The following NAA11 variants were observed in gnomAD, a reference collection of about 807,000 sequenced individuals.
NAA11 encodes N-alpha-acetyltransferase 11.
A neutral mutation model predicts 16.1 loss-of-function variants in NAA11; 15 were observed. The ratio of observed to expected loss-of-function variants is 0.93; its 90% CI spans 0.62 to 1.44. NAA11 has a LOEUF of 1.44. Ranked by LOEUF, NAA11 falls within the 40% of genes most tolerant of loss-of-function variation. The pLI is 0.00. For synonymous variants in NAA11, 122 were observed against 112.4 expected (o/e 1.09, Z -0.54); for missense variants, 298 against 291.3 (o/e 1.02, Z -0.17).
chr4:79,220,634 C>T, the NAA11 span, among the ~76,000 whole-genome samples: 77 of 152,020 alleles, frequency 5.1e-4, 1 homozygote, highest in African/African-American at 1.7e-3. Flanking sequence ...TTCTATAATA[C>T]GCATAAAATA....
the NAA11 span, among the ~76,000 whole-genome samples, chr4:79,209,875 A>G: frequency 1.3e-5 from 2 of 151,966 alleles, no homozygotes; most frequent in Non-Finnish European, 2.9e-5. Flanking sequence ...GCAAAACCTC[A>G]TCTCTACTGC....
At chr4:79,272,019 T>C (rs1722505875) in intron 2 of NAA11, among the ~76,000 whole-genome samples, 1 of 151,768 alleles carries the variant, frequency 6.6e-6, no homozygotes, top group African/African-American at 2.4e-5. Flanking sequence ...CACATATATA[T>C]ACACACACAT....
At chr4:79,194,300 G>T in the NAA11 span, among the ~76,000 whole-genome samples, 4 of 152,128 alleles carry the variant, frequency 2.6e-5, no homozygotes, top group African/African-American at 9.7e-5. Context: ...CTTTGCATGA[G>T]CATGGGATGT....
At chr4:79,254,674 GTTAAT>G (rs925683513) in intron 2 of NAA11, among the ~76,000 whole-genome samples, 21 of 143,782 alleles carry the variant, frequency 1.5e-4, no homozygotes, top group Admixed American at 2.8e-4. Flanking sequence ...TTTTCTTTTA[GTTAAT>G]TTAATTTATT....
intron 1 of NAA11, among the ~76,000 whole-genome samples, chr4:79,318,421 A>C (rs1560475092): frequency 1.3e-5 from 2 of 152,188 alleles, no homozygotes; most frequent in Non-Finnish European, 2.9e-5. Context: ...CCTTTAAAAA[A>C]ATTTATTATA....
intron 2 of NAA11, among the ~76,000 whole-genome samples, chr4:79,259,320 G>A (rs1484142): frequency 0.052 from 7,846 of 152,172 alleles, 710 homozygotes; most frequent in African/African-American, 0.18. Context: ...GCTTCTGGGC[G>A]TCACCACATT....
chr4:79,193,188 G>C, the NAA11 span, among the ~76,000 whole-genome samples: 1 of 152,160 alleles, frequency 6.6e-6, no homozygotes, highest in Non-Finnish European at 1.5e-5. Flanking sequence ...TGTTCACTCT[G>C]ATGGTAGTTT....
chr4:79,245,819 G>A (rs1721808351), intron 2 of NAA11, among the ~76,000 whole-genome samples: 1 of 150,730 alleles, frequency 6.6e-6, no homozygotes. Flanking sequence ...CCCTCTGCCC[G>A]GCCGCCACGT....
At chr4:79,167,887 T>G in the NAA11 span, among the ~76,000 whole-genome samples, 3 of 152,060 alleles carry the variant, frequency 2.0e-5, no homozygotes, top group African/African-American at 7.2e-5. Flanking sequence ...TTTATTTTAT[T>G]GTACTTTAAG....
the NAA11 span, among the ~76,000 whole-genome samples, chr4:79,203,641 A>G: frequency 4.6e-5 from 7 of 151,658 alleles, no homozygotes; most frequent in Non-Finnish European, 1.0e-4. Context: ...GAGGACACTA[A>G]CTATGGCACC....
chr4:79,324,865 A>G (rs917608493), intron 1 of NAA11, among the ~76,000 whole-genome samples: 1 of 152,192 alleles, frequency 6.6e-6, no homozygotes, highest in Non-Finnish European at 1.5e-5. Flanking sequence ...GAATTCCATA[A>G]AGAAAAAAAT....
rs533755575 is a variant in NAA11, at chr4:79,231,930, GAAATA to G, written c.*123-5665_*123-5661del. On this transcript the variant is annotated intron_variant and NMD_transcript_variant, in intron 2 of 2. Coordinates refer to the NAA11 transcript ENST00000511542. ...CATATATGTATATACACATATATAT[GAAATA>G]ATATATATGACATAATGAGATGTTT... Among the ~76,000 whole-genome samples the G allele has an allele frequency of 7.6e-3, 1,158 of 151,484 alleles. 16 individuals carry two copies. The highest frequency in any genetic ancestry group is 0.026 in the African/African-American group (1,078 of 41,364).
intron 1 of NAA11, among the ~76,000 whole-genome samples, chr4:79,311,451 T>C (rs1202101756): frequency 2.6e-5 from 4 of 152,240 alleles, no homozygotes; most frequent in East Asian, 1.9e-4. Context: ...CTTTCATACA[T>C]TGTCACTCCT....
At chr4:79,190,145 A>G in the NAA11 span, among the ~76,000 whole-genome samples, 1 of 152,194 alleles carries the variant, frequency 6.6e-6, no homozygotes, top group Non-Finnish European at 1.5e-5. Context: ...ATATTTTACA[A>G]TTTCGGGAAA....
intron 2 of NAA11, among the ~76,000 whole-genome samples, chr4:79,233,969 G>A (rs771155736): frequency 2.8e-4 from 42 of 152,022 alleles, no homozygotes; most frequent in Non-Finnish European, 4.1e-4. Context: ...TGGGGAATCT[G>A]TCATCTTGTC....
chr4:79,227,562 A>G (rs1229343044), intron 2 of NAA11: 4 of 152,006 alleles, frequency 2.6e-5, no homozygotes, highest in Non-Finnish European at 5.9e-5. Flanking sequence ...ACCAAGGAGA[A>G]GAGGATGTTG....
intron 2 of NAA11, among the ~76,000 whole-genome samples, chr4:79,261,696 A>T (rs936765317): frequency 6.6e-5 from 10 of 152,164 alleles, no homozygotes; most frequent in African/African-American, 2.4e-4. Context: ...GTTCTGTGCC[A>T]TTTAAAATAA....
chr4:79,314,877 C>T (rs1723881600), downstream of NAA11, among the ~76,000 whole-genome samples: 1 of 151,988 alleles, frequency 6.6e-6, no homozygotes, highest in South Asian at 2.1e-4. Context: ...ATTATCAATA[C>T]ATTTTATACT....
rs202131918 is a variant in NAA11, at chr4:79,234,239, A to ATC, written c.*123-7971_*123-7970dup. Among the ~76,000 whole-genome samples the ATC allele has an allele frequency of 1.7e-3, 258 of 152,044 alleles. 4 individuals are homozygous for ATC. In the East Asian group the frequency reaches 0.019, roughly 11 times the overall value. ...AAATTGGGGCTTTTTATTACCAATT[A>ATC]TCTCTCTCTCTCTGGATTAAATCCA... On this transcript the variant is annotated intron_variant and NMD_transcript_variant, in intron 2 of 2. Coordinates refer to the NAA11 transcript ENST00000511542.
Sources: gnomAD v4.1 joint callset for allele counts (sites outside exome capture counted in the v4.1 genomes callset) on GRCh38, gnomAD v4.1.1 for gene constraint, MANE v1.5 for transcripts, NCBI Gene and HGNC (gene_info 2026-07-23, HGNC 2026-07-21) for gene names.